TTC21B: variants seen among roughly 807,000 people sequenced by gnomAD.
The protein encoded by TTC21B is tetratricopeptide repeat protein 21B.
TTC21B carries 127 observed loss-of-function variants against 175.1 expected under a neutral mutation model. The observed-to-expected ratio is 0.73, with a 90% CI of 0.63 to 0.84. The LOEUF (loss-of-function observed/expected upper bound fraction) is 0.84. Ranked by LOEUF, TTC21B falls within the 40% of genes least tolerant of loss-of-function variation. TTC21B has a pLI of 0.00. For synonymous variants in TTC21B, 524 were observed against 524.5 expected (o/e 1.00, Z 0.01); for missense variants, 1,561 against 1,558.3 (o/e 1.00, Z -0.03).
In TTC21B at chr2:165,931,771, G is replaced by T. The variant is rs1163531201; in HGVS notation, c.881C>A (p.Ala294Asp). ...NAQLFYNITLAFSRTCGRSQL... is the reference protein window; with the variant it reads ...NAQLFYNITLDFSRTCGRSQL... Reference sequence around the variant, plus strand: ...AGGCACTCTCACAGTTCTGCTGAAGGCGAGTGTAATGTTATAGAAAAGTTG... The same window carrying T: ...AGGCACTCTCACAGTTCTGCTGAAGTCGAGTGTAATGTTATAGAAAAGTTG... The change falls in exon 8 of 29, where the codon GCC becomes GAC. Residue 294 changes from alanine (A) to aspartate (D), a missense_variant. Physicochemically the swap from Ala to Asp is moderately radical, Grantham distance 126. Coordinates refer to ENST00000243344, the MANE Select transcript of TTC21B (RefSeq NM_024753.5). 1 of 1,613,236 alleles carries T rather than the reference G, an allele frequency of 6.2e-7. No homozygotes were observed. Among genetic ancestry groups the T allele is most frequent in the South Asian group, 1.1e-5 (1 of 91,062 alleles).
chr2:165,897,167 G>C (rs1685396409), intron 22 of TTC21B, among the ~76,000 whole-genome samples: 1 of 152,160 alleles, frequency 6.6e-6, no homozygotes, highest in South Asian at 2.1e-4. Flanking sequence ...ACTAAAAACC[G>C]TGATTTTTAG....
At chr2:165,924,360 T>C (rs1012018168) in intron 12 of TTC21B, among the ~76,000 whole-genome samples, 189 bp downstream of exon 12, 2 of 152,216 alleles carry the variant, frequency 1.3e-5, no homozygotes, top group African/African-American at 4.8e-5. Flanking sequence ...CACAAGTTTA[T>C]AGTAATTTTT....
intron 6 of TTC21B, chr2:165,934,776 T>G (rs1025206752): frequency 6.7e-6 from 1 of 148,922 alleles, no homozygotes; most frequent in African/African-American, 2.5e-5. Context: ...ATGGCCAGAA[T>G]TGGTGAGGAT....
At chr2:165,898,796 T>C (rs764832430) in intron 21 of TTC21B, 29 bp from the exon 22 acceptor site, 62 of 1,342,680 alleles carry the variant, frequency 4.6e-5, no homozygotes, top group Non-Finnish European at 6.2e-5. Context: ...GTTCTAAAAA[T>C]ATTGCCATGT....
At chr2:165,948,362 C>T (rs1687652435) in intron 3 of TTC21B, 1 of 151,994 alleles carries the variant, frequency 6.6e-6, no homozygotes, top group Non-Finnish European at 1.5e-5. Context: ...TGACATGAAC[C>T]ACTTATTAGA....
At chr2:165,898,857 G>C in intron 21 of TTC21B, 90 bp from the exon 22 acceptor site, 1 of 828,028 alleles carries the variant, frequency 1.2e-6, no homozygotes, top group Non-Finnish European at 2.1e-6. Flanking sequence ...GAAAAATATA[G>C]ATGATAAACA....
intron 16 of TTC21B, 136 bp from the exon 17 acceptor site, chr2:165,912,760 T>A (rs1004022805): frequency 1.8e-5 from 13 of 736,822 alleles, no homozygotes; most frequent in Non-Finnish European, 2.9e-5. Flanking sequence ...CACAGGAACT[T>A]TAACAATTTC....
intron 4 of TTC21B, among the ~76,000 whole-genome samples, chr2:165,944,987 G>C (rs1687498816): frequency 1.3e-5 from 2 of 152,158 alleles, no homozygotes; most frequent in Admixed American, 1.3e-4. Flanking sequence ...ACAGTGCCTA[G>C]CACAAAGTAA....
Position 165,930,732 on chromosome 2 carries a change from G to GGTGTGTGT in TTC21B, c.895-376_895-369dup. Reference sequence around the variant, plus strand: ...TATTTTATGGTTACGTGGGTATGGGGGTGTGTGTGTGTGTGTGTGTGTGTG... The same window carrying GGTGTGTGT: ...TATTTTATGGTTACGTGGGTATGGGGGTGTGTGTGTGTGTGTGTGTGTGTGTGTGTGTG... On this transcript the variant is annotated intron_variant, in intron 8 of 28. Coordinates refer to ENST00000243344, the MANE Select transcript of TTC21B (RefSeq NM_024753.5). Among the ~76,000 whole-genome samples, 395 of 109,940 alleles carry GGTGTGTGT rather than the reference G, an allele frequency of 3.6e-3. 1 individual carries two copies. Among genetic ancestry groups the GGTGTGTGT allele is most frequent in the Non-Finnish European group, 6.0e-3 (284 of 47,730 alleles). The allele number at this position is 109,940 out of a possible 152,430, so 72.1% of individuals were successfully genotyped here.
At chr2:165,898,959 A>C (rs1291683435) in intron 21 of TTC21B, among the ~76,000 whole-genome samples, 192 bp from the exon 22 acceptor site, 1 of 152,212 alleles carries the variant, frequency 6.6e-6, no homozygotes, top group Non-Finnish European at 1.5e-5. Flanking sequence ...AACAGAAGAT[A>C]ATCAAGGATG....
chr2:165,887,448 G>A (rs1685032242), intron 25 of TTC21B, among the ~76,000 whole-genome samples: 1 of 152,096 alleles, frequency 6.6e-6, no homozygotes, highest in Non-Finnish European at 1.5e-5. Context: ...AAAAGGTGGA[G>A]GAGGCCGAGA....
intron 6 of TTC21B, chr2:165,934,070 C>T (rs1041665215): frequency 1.3e-5 from 2 of 152,096 alleles, no homozygotes; most frequent in African/African-American, 4.8e-5. Flanking sequence ...CGATGACCCA[C>T]AAAAATGTGA....
chr2:165,936,386 C>T (rs545363460), intron 6 of TTC21B, among the ~76,000 whole-genome samples: 257 of 152,032 alleles, frequency 1.7e-3, no homozygotes, highest in Non-Finnish European at 3.1e-3. Flanking sequence ...GAAAATCTGA[C>T]GGCCTATGGT....
intron 11 of TTC21B, among the ~76,000 whole-genome samples, chr2:165,927,093 GATA>G: frequency 1.1e-4 from 1 of 8,944 alleles, no homozygotes; most frequent in African/African-American, 7.7e-4. Flanking sequence ...TATCCTAGTA[GATA>G]TATATATATA....
At chr2:165,912,727 A>C (rs1047758331) in intron 16 of TTC21B, 103 bp from the exon 17 acceptor site, 1 of 891,282 alleles carries the variant, frequency 1.1e-6, no homozygotes, top group South Asian at 1.3e-5. Flanking sequence ...GTAATATTAC[A>C]TAAGACTTGG....
At chr2:165,892,192 AGG>A (rs995139988) in intron 22 of TTC21B, among the ~76,000 whole-genome samples, 4 of 152,142 alleles carry the variant, frequency 2.6e-5, no homozygotes, top group African/African-American at 9.7e-5. Context: ...AGGGATTTGT[AGG>A]GGACTTGTAA....
At chr2:165,931,087 G>C (rs915482190) in intron 8 of TTC21B, among the ~76,000 whole-genome samples, 7 of 151,998 alleles carry the variant, frequency 4.6e-5, no homozygotes, top group African/African-American at 1.7e-4. Flanking sequence ...TTTCGTTATA[G>C]CATGGAGTTT....
At chr2:165,906,955 C>CAAAAAAAAA (rs1160627145) in intron 19 of TTC21B, among the ~76,000 whole-genome samples, 68 of 60,164 alleles carry the variant, frequency 1.1e-3, no homozygotes, top group African/African-American at 2.2e-3. Context: ...AACTCCGTCT[C>CAAAAAAAAA]AAAAAAAAAA....
chr2:165,919,562 T>C (rs1432543899), intron 12 of TTC21B, 129 bp from the exon 13 acceptor site: 2 of 983,192 alleles, frequency 2.0e-6, no homozygotes, highest in South Asian at 2.9e-5. Context: ...TTGCTGTTCA[T>C]AGGCCATGGT....
Sources: gnomAD v4.1 joint callset for allele counts (sites outside exome capture counted in the v4.1 genomes callset) on GRCh38, gnomAD v4.1.1 for gene constraint, MANE v1.5 for transcripts, NCBI Gene and HGNC (gene_info 2026-07-23, HGNC 2026-07-21) for gene names.